POU6F2: variants seen among roughly 807,000 people sequenced by gnomAD.
POU6F2 encodes the protein POU class 6 homeobox 2, also known as POU domain, class 6, transcription factor 2.
In POU6F2, 31 loss-of-function variants were observed where a neutral mutation model predicts 71.3. That is an observed-to-expected ratio of 0.43 (90% CI 0.33 to 0.59). The LOEUF (loss-of-function observed/expected upper bound fraction) is 0.59, where lower values mean the gene tolerates loss of function less well. Ranked by LOEUF, POU6F2 falls within the 20% of genes least tolerant of loss-of-function variation. The pLI is 0.04. For missense variants in POU6F2, 783 were observed against 856.8 expected, an observed-to-expected ratio of 0.91 and a Z score of 1.07; for synonymous variants, 347 against 355.7, an observed-to-expected ratio of 0.98 and a Z score of 0.27.
intron 1 of POU6F2, among the ~76,000 whole-genome samples, chr7:39,017,656 G>T (rs891762195): frequency 5.3e-5 from 8 of 152,020 alleles, no homozygotes; most frequent in Admixed American, 5.2e-4. Context: ...TCCACCCTGG[G>T]GTAGCCATAC....
chr7:39,002,449 G>A (rs1361160205), intron 1 of POU6F2, among the ~76,000 whole-genome samples: 1 of 152,202 alleles, frequency 6.6e-6, no homozygotes, highest in African/African-American at 2.4e-5. Flanking sequence ...TAGGGTTCAA[G>A]CAATTCTCGT....
intron 2 of POU6F2, among the ~76,000 whole-genome samples, chr7:39,086,625 C>A (rs1791250909): frequency 6.6e-6 from 1 of 152,054 alleles, no homozygotes; most frequent in Admixed American, 6.6e-5. Context: ...CCTCCTCTAC[C>A]CCTCTCCTTT....
intron 4 of POU6F2, among the ~76,000 whole-genome samples, chr7:39,328,326 C>T (rs1785561279): frequency 6.6e-6 from 1 of 152,152 alleles, no homozygotes; most frequent in African/African-American, 2.4e-5. Flanking sequence ...ATTTTTTTGG[C>T]CATTGGACAC....
chr7:39,028,652 C>T (rs1191455861), intron 1 of POU6F2, among the ~76,000 whole-genome samples: 2 of 151,846 alleles, frequency 1.3e-5, no homozygotes, highest in Admixed American at 6.6e-5. Context: ...TGCTATTAAG[C>T]GTTCTAATCC....
intron 4 of POU6F2, among the ~76,000 whole-genome samples, chr7:39,316,098 A>G (rs1384448494): frequency 1.3e-5 from 2 of 152,172 alleles, no homozygotes; most frequent in Admixed American, 1.3e-4. Flanking sequence ...TCACAGTCAG[A>G]CCAGGAATAA....
intron 2 of POU6F2, among the ~76,000 whole-genome samples, chr7:39,203,669 C>G (rs1793951007): frequency 6.6e-6 from 1 of 152,178 alleles, no homozygotes; most frequent in Non-Finnish European, 1.5e-5. Context: ...GGGATTCCTA[C>G]TGTTTCAATT....
At chr7:39,422,433 A>C (rs551218873) in intron 6 of POU6F2, among the ~76,000 whole-genome samples, 1 of 152,220 alleles carries the variant, frequency 6.6e-6, no homozygotes, top group Non-Finnish European at 1.5e-5. Context: ...GCGATATCTC[A>C]TGTGCCCTTG....
intron 4 of POU6F2, among the ~76,000 whole-genome samples, chr7:39,238,647 C>G (rs2128751043): frequency 6.6e-6 from 1 of 152,306 alleles, no homozygotes; most frequent in Non-Finnish European, 1.5e-5. Flanking sequence ...GCAGGCAGTT[C>G]CCTTCCTCCT....
At chr7:39,268,019 GC>G (rs1408429183) in intron 4 of POU6F2, among the ~76,000 whole-genome samples, 1 of 152,168 alleles carries the variant, frequency 6.6e-6, no homozygotes, top group African/African-American at 2.4e-5. Flanking sequence ...GCACCCCACA[GC>G]AATCCCACAG....
intron 2 of POU6F2, among the ~76,000 whole-genome samples, chr7:39,087,839 T>G (rs2128721311): frequency 6.6e-6 from 1 of 152,308 alleles, no homozygotes. Flanking sequence ...TTTTTTCATT[T>G]GTTTAGGGTT....
chr7:39,462,864 G>A (rs968198784), intron 9 of POU6F2, among the ~76,000 whole-genome samples: 2 of 152,200 alleles, frequency 1.3e-5, no homozygotes, highest in African/African-American at 4.8e-5. Context: ...TTCTGTTTGT[G>A]CTGCTTATCA....
At position 38,982,074 on chromosome 7, in the gene POU6F2, G is replaced by A. The variant is rs141264805; in HGVS notation, c.105+4016G>A. On this transcript the variant is annotated intron_variant, in intron 1 of 9. Transcript: ENST00000518318. ...AAGTGGTCTAGGGAGAGGGGACACT[G>A]GCTCTCATAACACATTTGAAGATTG... Among the ~76,000 whole-genome samples, 323 of 152,206 alleles carry A rather than the reference G, an allele frequency of 2.1e-3. 1 individual carries two copies. Among genetic ancestry groups the A allele is most frequent in the African/African-American group, 7.4e-3 (306 of 41,546 alleles).
chr7:39,263,499 T>A (rs73128408), intron 4 of POU6F2, among the ~76,000 whole-genome samples: 10,985 of 152,332 alleles, frequency 0.072, 466 homozygotes, highest in South Asian at 0.2. Context: ...CTTTGTTTAA[T>A]TAAGATACAC....
At chr7:39,355,109 A>G (rs1048171003) in intron 5 of POU6F2, among the ~76,000 whole-genome samples, 23 of 152,190 alleles carry the variant, frequency 1.5e-4, no homozygotes, top group African/African-American at 5.5e-4. Context: ...GCAGTCATGG[A>G]AACAGGCTGG....
chr7:39,022,686 T>G (rs1329504626), intron 1 of POU6F2, among the ~76,000 whole-genome samples: 1 of 152,152 alleles, frequency 6.6e-6, no homozygotes, highest in African/African-American at 2.4e-5. Context: ...TCACATGTAT[T>G]GGGACTTTCC....
At chr7:39,368,690 G>T (rs752269857) in intron 5 of POU6F2, among the ~76,000 whole-genome samples, 1 of 152,186 alleles carries the variant, frequency 6.6e-6, no homozygotes, top group East Asian at 1.9e-4. Context: ...CCTATTAGGG[G>T]CTAATGAAGC....
chr7:39,133,900 C>T (rs1792338764), intron 2 of POU6F2, among the ~76,000 whole-genome samples: 1 of 151,882 alleles, frequency 6.6e-6, no homozygotes, highest in African/African-American at 2.4e-5. Context: ...TTTTTTAGAC[C>T]GTCTCGCCCC....
Position 39,133,514 on chromosome 7 carries a change from C to T in POU6F2, c.277+47483C>T, listed in dbSNP as rs546521881. On this transcript the variant is annotated intron_variant, in intron 2 of 9. Coordinates refer to ENST00000518318, the MANE Select transcript of POU6F2 (RefSeq NM_001370959.1). ...TTATGGGTTCGTTGGTGAATGTACT[C>T]AAGAATTTGGATAAGAAATGTTTTT... 9.2e-5 allele frequency among the ~76,000 whole-genome samples: 14 copies of T among 152,338 alleles called. No homozygotes were observed. The South Asian group carries it at 1.7e-3, about 18-fold the overall frequency.
chr7:39,043,420 A>T (rs1314300331), intron 1 of POU6F2, among the ~76,000 whole-genome samples: 1 of 151,646 alleles, frequency 6.6e-6, no homozygotes, highest in Non-Finnish European at 1.5e-5. Flanking sequence ...GGAGGGGGAA[A>T]CTCCCCTGTA....
Sources: gnomAD v4.1 joint callset for allele counts (sites outside exome capture counted in the v4.1 genomes callset) on GRCh38, gnomAD v4.1.1 for gene constraint, MANE v1.5 for transcripts, NCBI Gene and HGNC (gene_info 2026-07-23, HGNC 2026-07-21) for gene names.